Variants in KLC4 observed in about 807,000 individuals in gnomAD.
KLC4 encodes kinesin-like protein 8.
KLC4 carries 49 observed loss-of-function variants against 77.2 expected under a neutral mutation model. The ratio of observed to expected loss-of-function variants is 0.63; its 90% CI spans 0.50 to 0.80. The LOEUF (loss-of-function observed/expected upper bound fraction) is 0.80, where lower values mean the gene tolerates loss of function less well. Among genes scored for constraint, KLC4 ranks in the 30% least tolerant of loss-of-function variants. KLC4 has a pLI of 0.00. For missense variants in KLC4, 669 were observed against 793.5 expected (o/e 0.84, Z 1.89); for synonymous variants, 274 against 314.5 (o/e 0.87, Z 1.36).
At chr6:43,062,783 C>T (rs1561911564) in intron 2 of KLC4, 134 bp from the exon 3 acceptor site, 1 of 666,784 alleles carries the variant, frequency 1.5e-6, no homozygotes, top group Non-Finnish European at 2.6e-6. Flanking sequence ...TTGAAGGTAG[C>T]ACCACTGCTA....
Position 43,072,242 on chromosome 6 carries a change from G to A in KLC4, c.1475G>A (p.Arg492Gln), listed in dbSNP as rs201715041. 1.3e-4 allele frequency: 211 copies of A among 1,613,660 alleles called. No homozygotes were observed. Among genetic ancestry groups the A allele is most frequent in the Non-Finnish European group, 9.7e-5 (114 of 1,179,736 alleles). Residue 492 changes from arginine (R) to glutamine (Q), a missense_variant, in exon 12 of 16, where the codon CGG becomes CAG. Coordinates refer to ENST00000347162, the MANE Select transcript of KLC4 (RefSeq NM_201521.3). ...GAGACCCTGGAGGAATGTGCCCTGCGGTCCCGGAGACAGGTCAGAAGCCCA... is the reference window on the plus strand; with the variant it reads ...GAGACCCTGGAGGAATGTGCCCTGCAGTCCCGGAGACAGGTCAGAAGCCCA... Reference protein sequence around the residue: ...AAETLEECALRSRRQGTDPIS... With the variant: ...AAETLEECALQSRRQGTDPIS...
In KLC4 at chr6:43,067,065, G is replaced by T; in HGVS notation, c.861G>T (p.Leu287Phe). Residue 287 changes from leucine (L) to phenylalanine (F), a missense_variant, in exon 6 of 16, where the codon TTG (leucine) becomes TTT (phenylalanine). Leu to Phe is a conservative substitution (Grantham distance 22). Transcript: ENST00000347162. ...NDALSIREST[L>F]GPDHPAVAAT... ...CCCTTAGCATCCGGGAGAGCACCTTGGGACCTGACCATCCTGCTGTCAGTA... is the reference window on the plus strand; with the variant it reads ...CCCTTAGCATCCGGGAGAGCACCTTTGGACCTGACCATCCTGCTGTCAGTA... 5 of 1,614,114 alleles carry T rather than the reference G, an allele frequency of 3.1e-6. No homozygotes were observed. The highest frequency in any genetic ancestry group is 4.5e-5 in the East Asian group (2 of 44,884).
At chr6:43,060,519 G>A (rs1008621068) in intron 1 of KLC4, 29 of 1,306,248 alleles carry the variant, frequency 2.2e-5, no homozygotes, top group East Asian at 3.6e-5. Flanking sequence ...TTTGGGCAGG[G>A]CAGATCCTCT....
intron 1 of KLC4, chr6:43,060,528 C>T: frequency 7.8e-7 from 1 of 1,288,166 alleles, no homozygotes; most frequent in Non-Finnish European, 9.9e-7. Flanking sequence ...GGCAGATCCT[C>T]TGACTCTCTG....
intron 3 of KLC4, 50 bp downstream of exon 3, chr6:43,063,197 C>A: frequency 7.0e-7 from 1 of 1,420,436 alleles, no homozygotes; most frequent in South Asian, 1.2e-5. Flanking sequence ...CCGGGAGTTA[C>A]CACAGACATG....
chr6:43,060,274 G>C (rs375560198), intron 1 of KLC4: 3 of 1,613,840 alleles, frequency 1.9e-6, no homozygotes, highest in East Asian at 2.2e-5. Context: ...CACGCCTCTT[G>C]CTGTAGGTCT....
intron 4 of KLC4, among the ~76,000 whole-genome samples, chr6:43,065,990 C>A (rs188763056): frequency 2.3e-4 from 35 of 152,304 alleles, no homozygotes; most frequent in African/African-American, 8.2e-4. Context: ...GGAGAATAAA[C>A]CTGAGACAGG....
chr6:43,060,272 T>G (rs201812755), intron 1 of KLC4: 28 of 1,613,926 alleles, frequency 1.7e-5, no homozygotes, highest in Non-Finnish European at 2.1e-5. Context: ...GACACGCCTC[T>G]TGCTGTAGGT....
chr6:43,074,577 G>A (rs1357244059), intron 15 of KLC4, 45 bp from the exon 16 acceptor site: 7 of 1,576,616 alleles, frequency 4.4e-6, no homozygotes, highest in African/African-American at 1.3e-5. Flanking sequence ...CAGTCTTTGG[G>A]AGGCCGAGGT....
intron 6 of KLC4, 154 bp downstream of exon 6, chr6:43,067,237 G>A: frequency 1.5e-6 from 2 of 1,366,878 alleles, no homozygotes; most frequent in Non-Finnish European, 1.9e-6. Context: ...GCACTGTCCA[G>A]TGATCCTAAT....
chr6:43,065,630 A>G lies in KLC4; in HGVS notation c.500A>G (p.Glu167Gly), dbSNP rs533293952. 6 of 1,613,534 alleles carry G rather than the reference A, an allele frequency of 3.7e-6. No individual in the cohort carries two copies. In the Admixed American group the frequency reaches 8.3e-5, roughly 22 times the overall value. The change falls in exon 4 of 16, where the codon GAA becomes GGA. Residue 167 changes from glutamate (E) to glycine (G), a missense_variant. Glu to Gly is a moderately conservative substitution (Grantham distance 98, BLOSUM62 -2). Transcript: ENST00000347162. ...CTTCTTCCCTTCCAGGAGGAGAAAG[A>G]AGGCGATGCCACCAAGGATTCCCTG... Reference protein sequence around the residue: ...DEDGHTSEEKEGDATKDSLDD... With the variant: ...DEDGHTSEEKGGDATKDSLDD...
intron 6 of KLC4, 106 bp from the exon 7 acceptor site, chr6:43,070,248 A>G (rs113845727): frequency 1.1e-5 from 8 of 707,154 alleles, no homozygotes; most frequent in African/African-American, 1.1e-4. Flanking sequence ...TTTGTCTCTT[A>G]GAGTTGTGCA....
chr6:43,064,204 A>G (rs1253736635), intron 3 of KLC4, among the ~76,000 whole-genome samples: 2 of 152,184 alleles, frequency 1.3e-5, no homozygotes, highest in Non-Finnish European at 2.9e-5. Context: ...CATATATGTG[A>G]CAAAATACAA....
At chr6:43,065,100 GT>G (rs1391906844) in intron 3 of KLC4, among the ~76,000 whole-genome samples, 1 of 151,830 alleles carries the variant, frequency 6.6e-6, no homozygotes, top group Non-Finnish European at 1.5e-5. Flanking sequence ...TTGAGACAGA[GT>G]TTCGCTCTTG....
chr6:43,061,141 G>T, intron 1 of KLC4, 170 bp from the exon 2 acceptor site: 1 of 660,784 alleles, frequency 1.5e-6, no homozygotes. Context: ...CCTTAGCTTT[G>T]AGTTTAGTGA....
chr6:43,073,008 C>CTCT (rs1765805493), intron 13 of KLC4, 44 bp downstream of exon 13: 2 of 1,544,588 alleles, frequency 1.3e-6, no homozygotes, highest in African/African-American at 2.7e-5. Context: ...CCCACTCCTG[C>CTCT]TGGTGGTGGT....
chr6:43,068,111 CAAAAAAAAAAAA>C (rs763158428), intron 6 of KLC4, among the ~76,000 whole-genome samples: 2 of 25,234 alleles, frequency 7.9e-5, no homozygotes, highest in South Asian at 2.3e-3. Flanking sequence ...GACTCCGTCT[CAAAAAAAAAAAA>C]AAAAAAAAAA....
At chr6:43,070,324 T>A (rs1765653348) in intron 6 of KLC4, 30 bp from the exon 7 acceptor site, 2 of 1,541,030 alleles carry the variant, frequency 1.3e-6, no homozygotes, top group Admixed American at 3.4e-5. Context: ...GCAACCCAAA[T>A]GTCTGATGGG....
chr6:43,070,134 A>G (rs1450683421), intron 6 of KLC4, among the ~76,000 whole-genome samples: 1 of 151,484 alleles, frequency 6.6e-6, no homozygotes, highest in Non-Finnish European at 1.5e-5. Flanking sequence ...ACACCTCCAG[A>G]AATTTCTTAA....
Sources: allele counts gnomAD v4.1 joint callset (sites outside exome capture counted in the v4.1 genomes callset), GRCh38; gene constraint gnomAD v4.1.1; transcripts MANE v1.5; gene names NCBI Gene and HGNC (gene_info 2026-07-23, HGNC 2026-07-21).